The following TNRC6B variants were observed in gnomAD, a reference collection of about 807,000 sequenced individuals.
TNRC6B encodes trinucleotide repeat containing adaptor 6B.
Under a neutral mutation model 203.6 loss-of-function variants are expected in TNRC6B, and 52 were observed. That is an observed-to-expected ratio of 0.26 (90% CI 0.20 to 0.32). The LOEUF (loss-of-function observed/expected upper bound fraction) is 0.32, where lower values mean the gene tolerates loss of function less well. TNRC6B is among the 10% of genes least tolerant of loss of function. The probability of loss-of-function intolerance (pLI) is 1.00; values close to 1 mark genes in which losing one functional copy is unlikely to be tolerated. For synonymous variants in TNRC6B, 838 were observed against 845.7 expected (o/e 0.99, Z 0.16); for missense variants, 1,923 against 2,286.2 (o/e 0.84, Z 3.24).
chr22:40,198,766 C>A (rs983289292), intron 1 of TNRC6B, among the ~76,000 whole-genome samples: 1 of 152,066 alleles, frequency 6.6e-6, no homozygotes, highest in Non-Finnish European at 1.5e-5. Flanking sequence ...GCAATAAAAT[C>A]TTTGCAAAAG....
In TNRC6B at chr22:40,323,239, T is replaced by C; in HGVS notation, c.5500T>C (p.Ter1834ArgextTer2). ...TCTGGGAGGAGGGTCGGATTCAATC[T>C]GAACTTAGAACTTTCAACTCTGACC... ...DLLGGGSDSI[*>R] The change falls in exon 23 of 23, where the codon TGA becomes CGA. Residue 1834 changes from the stop codon to arginine, a stop_lost. Coordinates refer to ENST00000454349, the MANE Select transcript of TNRC6B (RefSeq NM_001162501.2). 1 of 1,609,680 alleles carries C rather than the reference T, an allele frequency of 6.2e-7. No individual in the cohort carries two copies. The highest frequency in any genetic ancestry group is 8.5e-7 in the Non-Finnish European group (1 of 1,179,394).
intron 12 of TNRC6B, among the ~76,000 whole-genome samples, chr22:40,298,391 C>G (rs2070974236): frequency 6.6e-6 from 1 of 152,108 alleles, no homozygotes; most frequent in Non-Finnish European, 1.5e-5. Flanking sequence ...CTGTTCTTGG[C>G]TCTTCACCAA....
intron 3 of TNRC6B, among the ~76,000 whole-genome samples, chr22:40,143,196 G>A (rs6001799): frequency 0.22 from 34,201 of 152,104 alleles, 4,185 homozygotes; most frequent in Admixed American, 0.33. Context: ...TTGGGAGGCC[G>A]GGGCGGGAGA....
chr22:40,285,662 G>C lies in TNRC6B; in HGVS notation c.3600G>C (p.Leu1200Phe). The C allele has an allele frequency of 6.2e-7, 1 of 1,613,006 alleles. No homozygotes were observed. The highest frequency in any genetic ancestry group is 1.3e-5 in the African/African-American group (1 of 75,020). ...FAARQGGSHG[L>F]FGNSTAQSRG... Reference sequence around the variant, plus strand: ...GTTTACAGGGCGGTAGTCATGGTTTGTTTGGAAACAGCACAGCACAATCGA... The same window carrying C: ...GTTTACAGGGCGGTAGTCATGGTTTCTTTGGAAACAGCACAGCACAATCGA... The change falls in exon 12 of 23, where the codon TTG (leucine) becomes TTC (phenylalanine). Residue 1200 changes from leucine (L) to phenylalanine (F), a missense_variant. Physicochemically the swap from Leu to Phe is conservative, Grantham distance 22. Around this residue, in one of 8 missense-constraint regions of TNRC6B, gnomAD observed 242 missense variants for 399.5 expected, o/e 0.61. Transcript: ENST00000454349.
chr22:40,142,572 C>G (rs902343967), intron 3 of TNRC6B, among the ~76,000 whole-genome samples: 1 of 152,190 alleles, frequency 6.6e-6, no homozygotes, highest in Non-Finnish European at 1.5e-5. Context: ...CTTAGGAAGA[C>G]TTTGTGGAAG....
intron 4 of TNRC6B, among the ~76,000 whole-genome samples, chr22:40,157,925 T>A (rs942544303): frequency 1.3e-5 from 2 of 152,172 alleles, no homozygotes; most frequent in Admixed American, 6.6e-5. Flanking sequence ...TGAAATGCAA[T>A]TTAGATTTGA....
chr22:40,292,367 A>G (rs2070880378), intron 12 of TNRC6B, among the ~76,000 whole-genome samples: 1 of 152,022 alleles, frequency 6.6e-6, no homozygotes, highest in Non-Finnish European at 1.5e-5. Context: ...AAAAAAAAAA[A>G]AAGGATGACA....
chr22:40,201,862 A>G (rs1343473894), intron 1 of TNRC6B, among the ~76,000 whole-genome samples: 1 of 152,090 alleles, frequency 6.6e-6, no homozygotes, highest in Non-Finnish European at 1.5e-5. Context: ...CGGATTTCAG[A>G]TTTTCAGATT....
chr22:40,261,556 C>T (rs866268058), intron 3 of TNRC6B, among the ~76,000 whole-genome samples: 7 of 151,690 alleles, frequency 4.6e-5, no homozygotes, highest in South Asian at 2.1e-4. Flanking sequence ...CCAGCCTGGG[C>T]GACACTCACA....
At chr22:40,127,948 T>G (rs757038222) in intron 3 of TNRC6B, among the ~76,000 whole-genome samples, 1 of 152,222 alleles carries the variant, frequency 6.6e-6, no homozygotes, top group African/African-American at 2.4e-5. Flanking sequence ...GATTGCTTGG[T>G]GAACATGTAA....
chr22:40,102,936 G>T (rs2068252193), intron 1 of TNRC6B, among the ~76,000 whole-genome samples: 1 of 152,080 alleles, frequency 6.6e-6, no homozygotes, highest in Non-Finnish European at 1.5e-5. Flanking sequence ...AATTAGCTGG[G>T]CATGGTGGCA....
intron 2 of TNRC6B, among the ~76,000 whole-genome samples, chr22:40,246,633 C>G (rs1369057030): frequency 6.6e-6 from 1 of 152,184 alleles, no homozygotes; most frequent in Non-Finnish European, 1.5e-5. Flanking sequence ...TTGAAAACAA[C>G]AGTAAACAGT....
chr22:40,194,767 G>A (rs2069315460), intron 1 of TNRC6B, among the ~76,000 whole-genome samples: 1 of 152,176 alleles, frequency 6.6e-6, no homozygotes, highest in Non-Finnish European at 1.5e-5. Flanking sequence ...CCCACCAATA[G>A]AGAAGAAAAG....
chr22:40,107,680 T>C (rs538156872), intron 1 of TNRC6B, among the ~76,000 whole-genome samples: 26 of 152,210 alleles, frequency 1.7e-4, no homozygotes, highest in African/African-American at 6.0e-4. Context: ...GTTATACTTA[T>C]TGCAGGATAA....
intron 1 of TNRC6B, among the ~76,000 whole-genome samples, chr22:40,203,689 G>A (rs1257578415): frequency 2.0e-5 from 3 of 150,650 alleles, no homozygotes; most frequent in African/African-American, 2.4e-5. Context: ...GAACAGAATC[G>A]TGTGGTGAGG....
intron 7 of TNRC6B, among the ~76,000 whole-genome samples, chr22:40,274,580 C>T (rs1176138157): frequency 1.3e-5 from 2 of 152,054 alleles, no homozygotes. Flanking sequence ...GCCACCACGC[C>T]CGGCTAATTT....
rs1334449398 is a variant in TNRC6B at position 40,300,897 on chromosome 22, C to A, written c.3841-13C>A. The stretch of plus-strand genomic sequence containing the variant: ...GAAACTTTGGTTTTCTGTCTTTCCC[C>A]CTTGTTTTGTAGGCATGTCAGCTTC... On this transcript the variant is annotated splice_polypyrimidine_tract_variant and intron_variant, in intron 13 of 22. Transcript: ENST00000454349. 3 of 1,612,052 alleles carry A rather than the reference C, an allele frequency of 1.9e-6. No homozygotes were observed. In the Admixed American group the frequency reaches 5.0e-5, roughly 27 times the overall value.
intron 19 of TNRC6B, among the ~76,000 whole-genome samples, chr22:40,313,475 A>G (rs2071214464): frequency 6.6e-6 from 1 of 152,152 alleles, no homozygotes; most frequent in African/African-American, 2.4e-5. Context: ...ATCATTTGGT[A>G]AGTTCCTCAT....
intron 7 of TNRC6B, among the ~76,000 whole-genome samples, chr22:40,274,888 C>A (rs2070617562): frequency 6.6e-6 from 1 of 152,060 alleles, no homozygotes; most frequent in East Asian, 1.9e-4. Context: ...TTTTTCAATT[C>A]CAGATTTTCG....
Sources: allele counts gnomAD v4.1 joint callset (sites outside exome capture counted in the v4.1 genomes callset), GRCh38; gene constraint gnomAD v4.1.1; regional missense constraint gnomAD v4.1.1; transcripts MANE v1.5; gene names NCBI Gene and HGNC (gene_info 2026-07-23, HGNC 2026-07-21).